The following PTPRD variants were observed in gnomAD, a reference collection of about 807,000 sequenced individuals.
PTPRD encodes receptor-type tyrosine-protein phosphatase delta.
Under a neutral mutation model 214.5 loss-of-function variants are expected in PTPRD, and 34 were observed. That is an observed-to-expected ratio of 0.16 (90% confidence interval 0.12 to 0.21). The LOEUF (loss-of-function observed/expected upper bound fraction) is 0.21, where lower values mean the gene tolerates loss of function less well. Among genes scored for constraint, PTPRD ranks in the 10% least tolerant of loss-of-function variants. The probability of loss-of-function intolerance (pLI) is 1.00; values close to 1 mark genes in which losing one functional copy is unlikely to be tolerated. For synonymous variants in PTPRD, 1,128 were observed against 845.7 expected, an observed-to-expected ratio of 1.33 and a Z score of -5.79; for missense variants, 2,545 against 2,398.7, an observed-to-expected ratio of 1.06 and a Z score of -1.27.
intron 39 of PTPRD, among the ~76,000 whole-genome samples, chr9:8,371,226 G>GA (rs994404196): frequency 1.1e-4 from 16 of 151,674 alleles, no homozygotes; most frequent in Non-Finnish European, 2.2e-4. Context: ...AATATAAAGG[G>GA]AAAAAAATAT....
chr9:9,343,877 T>C (rs1447733759), intron 9 of PTPRD, among the ~76,000 whole-genome samples: 1 of 152,150 alleles, frequency 6.6e-6, no homozygotes, highest in Non-Finnish European at 1.5e-5. Flanking sequence ...TGAAATTCTT[T>C]AGGGTCCAAT....
intron 3 of PTPRD, among the ~76,000 whole-genome samples, chr9:10,147,805 G>T (rs536264635): frequency 1.7e-3 from 252 of 152,240 alleles, no homozygotes; most frequent in African/African-American, 5.5e-3. Context: ...GCTTGAACCC[G>T]GGAGGCGGAG....
intron 7 of PTPRD, among the ~76,000 whole-genome samples, chr9:9,591,660 T>C (rs2092743171): frequency 6.6e-6 from 1 of 152,096 alleles, no homozygotes; most frequent in Admixed American, 6.6e-5. Context: ...TTTCTGGCAC[T>C]TCTTAATATG....
chr9:8,906,865 C>T (rs569382265), intron 11 of PTPRD, among the ~76,000 whole-genome samples: 1 of 152,180 alleles, frequency 6.6e-6, no homozygotes, highest in East Asian at 1.9e-4. Context: ...CTCTACACAT[C>T]CCCGGCTGAC....
chr9:10,481,445 A>G (rs2099097301), intron 2 of PTPRD, among the ~76,000 whole-genome samples: 1 of 152,216 alleles, frequency 6.6e-6, no homozygotes, highest in Admixed American at 6.5e-5. Flanking sequence ...AAATAATATT[A>G]TCCATTTATC....
At chr9:9,261,350 A>C (rs867774275) in intron 9 of PTPRD, among the ~76,000 whole-genome samples, 1 of 151,854 alleles carries the variant, frequency 6.6e-6, no homozygotes, top group Non-Finnish European at 1.5e-5. Context: ...AATTTCTTTT[A>C]TTCCGATTTT....
chr9:10,407,698 T>C (rs2098386467), intron 2 of PTPRD, among the ~76,000 whole-genome samples: 1 of 151,594 alleles, frequency 6.6e-6, no homozygotes, highest in African/African-American at 2.4e-5. Context: ...TTTAAATTCA[T>C]GACCTATTTT....
intron 3 of PTPRD, among the ~76,000 whole-genome samples, chr9:10,314,715 C>A (rs2096374222): frequency 6.6e-6 from 1 of 151,808 alleles, no homozygotes; most frequent in African/African-American, 2.4e-5. Context: ...ATGACACAAG[C>A]CAAGGGGGGA....
At chr9:9,248,641 G>T (rs2099974089) in intron 9 of PTPRD, among the ~76,000 whole-genome samples, 1 of 151,992 alleles carries the variant, frequency 6.6e-6, no homozygotes, top group African/African-American at 2.4e-5. Flanking sequence ...ATCTGAGGCT[G>T]TATAAAATAG....
chr9:9,507,905 C>A (rs2096607628), intron 8 of PTPRD, among the ~76,000 whole-genome samples: 1 of 151,402 alleles, frequency 6.6e-6, no homozygotes, highest in Admixed American at 6.6e-5. Flanking sequence ...TTGGGTAGCT[C>A]TGTATTCAGA....
At chr9:10,311,017 A>G (rs1241710445) in intron 3 of PTPRD, among the ~76,000 whole-genome samples, 1 of 152,042 alleles carries the variant, frequency 6.6e-6, no homozygotes, top group Non-Finnish European at 1.5e-5. Flanking sequence ...TCATTTGGCC[A>G]GTTTCCTATA....
At position 9,049,997 on chromosome 9, in the gene PTPRD, G is replaced by A. The variant is rs569085876; in HGVS notation, c.-142-31262C>T. Among the ~76,000 whole-genome samples, 15 of 152,272 alleles carry A rather than the reference G, an allele frequency of 9.9e-5. No individual in the cohort carries two copies. The South Asian group carries it at 3.1e-3, about 32-fold the overall frequency. ...GGTGTGGTGTGAGTCTTTGCAATGG[G>A]AAGGTAGTCACACTGAACTGGGAGC... On this transcript the variant is annotated intron_variant, in intron 10 of 45. Coordinates refer to ENST00000381196, the MANE Select transcript of PTPRD (RefSeq NM_002839.4).
chr9:10,089,516 T>C (rs2098404251), intron 3 of PTPRD, among the ~76,000 whole-genome samples: 1 of 151,546 alleles, frequency 6.6e-6, no homozygotes, highest in Admixed American at 6.6e-5. Flanking sequence ...ACAGGAAGGA[T>C]TAGAAGAATG....
chr9:9,643,503 C>T (rs570463830), intron 7 of PTPRD, among the ~76,000 whole-genome samples: 3 of 152,262 alleles, frequency 2.0e-5, no homozygotes, highest in Non-Finnish European at 4.4e-5. Context: ...AAGTATTTTT[C>T]TTCATGAAGG....
chr9:10,243,688 A>G (rs4487828), intron 3 of PTPRD, among the ~76,000 whole-genome samples: 82,434 of 151,496 alleles, frequency 0.54, 23,941 homozygotes, highest in East Asian at 0.73. Context: ...AATAGTAACT[A>G]CAAACACCTG....
intron 2 of PTPRD, among the ~76,000 whole-genome samples, chr9:10,592,164 T>C (rs188237672): frequency 8.5e-5 from 13 of 152,092 alleles, no homozygotes; most frequent in African/African-American, 2.9e-4. Flanking sequence ...ATCCTAGGAA[T>C]TGGTCTGAAC....
chr9:10,292,475 G>A lies in PTPRD; in HGVS notation c.-545+48488C>T, dbSNP rs141408582. 2.4e-3 allele frequency among the ~76,000 whole-genome samples: 365 copies of A among 152,022 alleles called. 3 individuals are homozygous for A. Among genetic ancestry groups the A allele is most frequent in the African/African-American group, 8.5e-3 (354 of 41,488 alleles). On this transcript the variant is annotated intron_variant, in intron 3 of 45. Coordinates refer to ENST00000381196, the MANE Select transcript of PTPRD (RefSeq NM_002839.4). ...AATAAAAGCAAAAGTCTCAAAAATTGTCTACAAAGATCATATGATCTGTAC... is the reference window on the plus strand; with the variant it reads ...AATAAAAGCAAAAGTCTCAAAAATTATCTACAAAGATCATATGATCTGTAC...
intron 8 of PTPRD, among the ~76,000 whole-genome samples, chr9:9,566,592 G>A (rs2084615133): frequency 1.3e-5 from 2 of 151,842 alleles, no homozygotes; most frequent in Non-Finnish European, 2.9e-5. Flanking sequence ...TTATTACATA[G>A]ACTATGTATT....
chr9:9,720,658 A>C (rs1023841709), intron 7 of PTPRD, among the ~76,000 whole-genome samples: 4 of 152,172 alleles, frequency 2.6e-5, no homozygotes, highest in African/African-American at 9.7e-5. Context: ...GAGACAGTGC[A>C]AAAAATAAGA....
Sources: allele counts gnomAD v4.1 joint callset (sites outside exome capture counted in the v4.1 genomes callset), GRCh38; gene constraint gnomAD v4.1.1; transcripts MANE v1.5; gene names NCBI Gene and HGNC (gene_info 2026-07-23, HGNC 2026-07-21).